Variants in NUP205 observed in about 807,000 individuals in gnomAD.
NUP205 encodes nuclear pore complex protein Nup205.
NUP205 carries 76 observed loss-of-function variants against 253.8 expected under a neutral mutation model. The ratio of observed to expected loss-of-function variants is 0.30; its 90% CI spans 0.25 to 0.36. The LOEUF (loss-of-function observed/expected upper bound fraction) is 0.36, where lower values mean the gene tolerates loss of function less well. Among genes scored for constraint, NUP205 ranks in the 10% least tolerant of loss-of-function variants. The probability of loss-of-function intolerance (pLI) is 1.00; values close to 1 mark genes in which losing one functional copy is unlikely to be tolerated. For missense variants in NUP205, 2,162 were observed against 2,425.5 expected (o/e 0.89, Z 2.28); for synonymous variants, 832 against 850.1 (o/e 0.98, Z 0.37).
intron 7 of NUP205, 86 bp from the exon 8 acceptor site, chr7:135,584,746 A>G (rs906116054): frequency 9.4e-6 from 11 of 1,174,678 alleles, no homozygotes; most frequent in Middle Eastern, 1.9e-4. Context: ...AGATGTCTGA[A>G]CCATCAGCAG....
intron 12 of NUP205, among the ~76,000 whole-genome samples, chr7:135,593,477 A>G (rs559564862): frequency 6.6e-6 from 1 of 152,346 alleles, no homozygotes; most frequent in African/African-American, 2.4e-5. Flanking sequence ...ATATGCTTCT[A>G]GGTTTCCAGC....
At chr7:135,585,568 T>C (rs76920777) in intron 8 of NUP205, among the ~76,000 whole-genome samples, 1 of 152,168 alleles carries the variant, frequency 6.6e-6, no homozygotes, top group East Asian at 1.9e-4. Context: ...TTTTTTTTTT[T>C]TGAGATGGAG....
intron 6 of NUP205, 42 bp from the exon 7 acceptor site, chr7:135,578,709 T>C: frequency 1.2e-5 from 17 of 1,439,364 alleles, no homozygotes; most frequent in Non-Finnish European, 1.6e-5. Flanking sequence ...AAGTGAGAAT[T>C]TATCTGGTGA....
chr7:135,628,135 T>C, intron 34 of NUP205, 24 bp downstream of exon 34: 1 of 1,601,080 alleles, frequency 6.2e-7, no homozygotes, highest in Non-Finnish European at 8.5e-7. Flanking sequence ...TTTGTTTAGA[T>C]ATTGTCTAGA....
At chr7:135,617,837 T>C (rs1010846662) in intron 27 of NUP205, among the ~76,000 whole-genome samples, 155 bp downstream of exon 27, 1 of 151,340 alleles carries the variant, frequency 6.6e-6, no homozygotes, top group African/African-American at 2.4e-5. Flanking sequence ...TTTTATAACT[T>C]TTATAAACTG....
intron 8 of NUP205, among the ~76,000 whole-genome samples, chr7:135,586,061 G>A (rs911090858): frequency 1.3e-5 from 2 of 151,856 alleles, no homozygotes; most frequent in Non-Finnish European, 1.5e-5. Flanking sequence ...AAATGTTGGC[G>A]GGAAGTAAAT....
intron 12 of NUP205, among the ~76,000 whole-genome samples, chr7:135,594,155 A>G (rs548206233): frequency 1.7e-3 from 257 of 152,280 alleles, no homozygotes; most frequent in Middle Eastern, 3.4e-3. Flanking sequence ...GTATATCTCT[A>G]TATTTTTTTT....
At chr7:135,590,097 ATTATT>A (rs1806585136) in intron 10 of NUP205, among the ~76,000 whole-genome samples, 1 of 147,924 alleles carries the variant, frequency 6.8e-6, no homozygotes, top group Non-Finnish European at 1.5e-5. Flanking sequence ...CTACTATATT[ATTATT>A]TTATTTATTT....
intron 41 of NUP205, chr7:135,645,904 G>A (rs1276912689): frequency 3.5e-6 from 2 of 577,476 alleles, no homozygotes; most frequent in African/African-American, 1.9e-5. Flanking sequence ...TATTGCTGGA[G>A]TGGGCCTCTG....
rs1393987866 is a variant in NUP205, at chr7:135,615,978, A to G, written c.3373A>G (p.Arg1125Gly). Residue 1125 changes from arginine to glycine, a missense_variant, in exon 24 of 43, where the codon AGG becomes GGG. Arg to Gly is a moderately radical substitution (Grantham distance 125). Around this residue, in one of 5 missense-constraint regions of NUP205, gnomAD observed 1,144 missense variants for 1,280.9 expected, o/e 0.89. Transcript: ENST00000285968. The stretch of plus-strand genomic sequence containing the variant: ...TATGAAAACTGCCTCAATAGAGCTA[A>G]GGGTAACCTCTCTGAATCGTCAGCG... Reference protein sequence around the residue: ...WLMKTASIELRVTSLNRQRSH... With the variant: ...WLMKTASIELGVTSLNRQRSH... The G allele has an allele frequency of 6.2e-7, 1 of 1,613,692 alleles. No homozygotes were observed. Among genetic ancestry groups the G allele is most frequent in the Non-Finnish European group, 8.5e-7 (1 of 1,179,634 alleles).
Position 135,573,549 on chromosome 7 carries a change from C to T in NUP205, c.172-105C>T, listed in dbSNP as rs538635069. The T allele has an allele frequency of 1.3e-4, 97 of 721,454 alleles. No individual in the cohort carries two copies. In the South Asian group the frequency reaches 2.3e-3, roughly 17 times the overall value. The allele number at this position is 721,454 out of a possible 1,614,324, so 44.7% of individuals were successfully genotyped here. A position where few individuals can be genotyped will look rare whatever the true frequency, so the allele number is the denominator to read the frequency against. On this transcript the variant is annotated intron_variant, in intron 2 of 42. Coordinates refer to ENST00000285968, the MANE Select transcript of NUP205 (RefSeq NM_015135.3). ...GCTGATAAGAAATACTTCTGTTTGT[C>T]ATGTTACCAGGCTGAATTATCATGA...
At chr7:135,580,026 A>G (rs566268952) in intron 7 of NUP205, among the ~76,000 whole-genome samples, 1 of 152,336 alleles carries the variant, frequency 6.6e-6, no homozygotes, top group Non-Finnish European at 1.5e-5. Flanking sequence ...TTTAATTGTC[A>G]TATTAGTAGG....
Position 135,607,046 on chromosome 7 carries a change from G to A in NUP205, c.3070+131G>A, listed in dbSNP as rs1794101336. On this transcript the variant is annotated intron_variant, in intron 21 of 42. Transcript: ENST00000285968. Reference sequence around the variant, plus strand: ...GTAAGAAAGGTAATGTGATGGATGGGTCAGTTCTTTAGGGCTTAGAACAAG... The same window carrying A: ...GTAAGAAAGGTAATGTGATGGATGGATCAGTTCTTTAGGGCTTAGAACAAG... 32 of 1,143,702 alleles carry A rather than the reference G, an allele frequency of 2.8e-5. No homozygotes were observed. The South Asian group carries it at 4.9e-4, about 17-fold the overall frequency. The allele number at this position is 1,143,702 out of a possible 1,614,324, so 70.8% of individuals were successfully genotyped here. A position where few individuals can be genotyped will look rare whatever the true frequency, so the allele number is the denominator to read the frequency against.
At chr7:135,636,521 C>T (rs141855769) in intron 36 of NUP205, among the ~76,000 whole-genome samples, 1,635 of 152,086 alleles carry the variant, frequency 0.011, 27 homozygotes, top group African/African-American at 0.037. Flanking sequence ...TTTTTTAAGT[C>T]ATCTTTTATT....
chr7:135,606,549 A>G (rs1001107464), intron 20 of NUP205, among the ~76,000 whole-genome samples: 8 of 152,246 alleles, frequency 5.3e-5, no homozygotes, highest in Admixed American at 2.6e-4. Flanking sequence ...AGTCCCACAC[A>G]TTTCAGATAA....
Position 135,593,065 on chromosome 7 carries a change from A to T in NUP205, c.1703A>T (p.His568Leu). ...CACTCCTTGATGCTTTACCACGAAC[A>T]CCTTCGGAAGGATCTTCCAAGTGCA... ...FFHSLMLYHE[H>L]LRKDLPSADS... Residue 568 changes from histidine to leucine, a missense_variant, in exon 12 of 43, where the codon CAC (histidine) becomes CTC (leucine). Coordinates refer to ENST00000285968, the MANE Select transcript of NUP205 (RefSeq NM_015135.3). The T allele has an allele frequency of 6.2e-7, 1 of 1,614,028 alleles. No homozygotes were observed. Among genetic ancestry groups the T allele is most frequent in the Non-Finnish European group, 8.5e-7 (1 of 1,179,966 alleles).
At position 135,606,044 on chromosome 7, in the gene NUP205, A is replaced by C. The variant is rs117413086; in HGVS notation, c.2824-101A>C. 6.2e-6 allele frequency: 5 copies of C among 805,568 alleles called. No homozygotes were observed. In the Admixed American group the frequency reaches 1.1e-4, roughly 17 times the overall value. The allele number at this position is 805,568 out of a possible 1,614,324, so 49.9% of individuals were successfully genotyped here. A position where few individuals can be genotyped will look rare whatever the true frequency, so the allele number is the denominator to read the frequency against. Reference sequence around the variant, plus strand: ...CGTAAATACCTAAGCAGGTTTGCCTATTTTTCCTTATGGATGAATATTTAC... The same window carrying C: ...CGTAAATACCTAAGCAGGTTTGCCTCTTTTTCCTTATGGATGAATATTTAC... On this transcript the variant is annotated intron_variant, in intron 19 of 42. Transcript: ENST00000285968.
At chr7:135,597,689 A>T in intron 14 of NUP205, 1 of 455,194 alleles carries the variant, frequency 2.2e-6, no homozygotes, top group Non-Finnish European at 3.9e-6. Flanking sequence ...AGATTACTTG[A>T]GTCAACCTGA....
rs900408912 is a variant in NUP205 at position 135,625,669 on chromosome 7, A to G, written c.4671+314A>G. Reference sequence around the variant, plus strand: ...CTCACAATACAATTTAGACTATAGTAGTTGCCTATTGAAAATTTCCATGTA... The same window carrying G: ...CTCACAATACAATTTAGACTATAGTGGTTGCCTATTGAAAATTTCCATGTA... On this transcript the variant is annotated intron_variant, in intron 32 of 42. Coordinates refer to ENST00000285968, the MANE Select transcript of NUP205 (RefSeq NM_015135.3). Among the ~76,000 whole-genome samples, 9 of 152,310 alleles carry G rather than the reference A, an allele frequency of 5.9e-5. No individual in the cohort carries two copies. In the East Asian group the frequency reaches 1.5e-3, roughly 26 times the overall value.
Sources: gnomAD v4.1 joint callset for allele counts (sites outside exome capture counted in the v4.1 genomes callset) on GRCh38, gnomAD v4.1.1 for gene constraint, gnomAD v4.1.1 regional missense constraint, MANE v1.5 for transcripts, NCBI Gene and HGNC (gene_info 2026-07-23, HGNC 2026-07-21) for gene names.